IPO9: variants seen among roughly 807,000 people sequenced by gnomAD.
IPO9 encodes the protein importin-9.
Under a neutral mutation model 128.6 loss-of-function variants are expected in IPO9, and 28 were observed. That is an observed-to-expected ratio of 0.22 (90% confidence interval 0.16 to 0.30). The LOEUF is 0.30. IPO9 is among the 10% of genes least tolerant of loss of function. IPO9 has a pLI of 1.00. For synonymous variants in IPO9, 455 were observed against 475.8 expected (o/e 0.96, Z 0.57); for missense variants, 935 against 1,293.9 (o/e 0.72, Z 4.26).
Position 201,854,621 on chromosome 1 carries a change from C to A in IPO9, c.717C>A (p.Pro239=), listed in dbSNP as rs370807386. 1.4e-5 allele frequency: 23 copies of A among 1,613,928 alleles called. No homozygotes were observed. Among genetic ancestry groups the A allele is most frequent in the Non-Finnish European group, 1.9e-5 (23 of 1,180,028 alleles). ...EKGAAKVLIF[P]VVQQFTEAFV... is the part of the protein sequence containing the mutation. Reference sequence around the variant, plus strand: ...GTGCAGCCAAAGTCCTGATCTTTCCCGTGGTACAGCAGTTCACAGAGGCCT... The same window carrying A: ...GTGCAGCCAAAGTCCTGATCTTTCCAGTGGTACAGCAGTTCACAGAGGCCT... The change falls in exon 7 of 24, where the codon CCC becomes CCA. Residue 239 remains proline, a synonymous_variant. Coordinates refer to ENST00000361565, the MANE Select transcript of IPO9 (RefSeq NM_018085.5).
chr1:201,881,119 A>G lies in IPO9; in HGVS notation c.*5065A>G, dbSNP rs1680876488. The G allele has an allele frequency of 6.6e-6, 1 of 152,216 alleles. No individual in the cohort carries two copies. The highest frequency in any genetic ancestry group is 6.6e-5 in the Admixed American group (1 of 15,266). The allele number at this position is 152,216 out of a possible 1,614,324, so 9.4% of individuals were successfully genotyped here. ...TACTGGGTTTAGTTCCCACTGCCCA[A>G]AAAAGGAACTGGCTAATGGTAACCT... On this transcript the variant is annotated 3_prime_UTR_variant, in exon 24 of 24. Coordinates refer to ENST00000361565, the MANE Select transcript of IPO9 (RefSeq NM_018085.5).
At chr1:201,831,035 C>G (rs1167301875) in intron 1 of IPO9, among the ~76,000 whole-genome samples, 1 of 152,096 alleles carries the variant, frequency 6.6e-6, no homozygotes, top group Non-Finnish European at 1.5e-5. Context: ...CTGGGTCTCG[C>G]TCTATCGTGT....
chr1:201,874,851 G>A lies in IPO9; in HGVS notation c.2853G>A (p.Trp951Ter), dbSNP rs1680730793. Reference sequence around the variant, plus strand: ...AAGTAGATGACTCCAATGATATGTGGGAGGACCAGGAGGAGGAAGAGGAGG... The same window carrying A: ...AAGTAGATGACTCCAATGATATGTGAGAGGACCAGGAGGAGGAAGAGGAGG... ...EWSQDDSNDM[W>*]EDQEEEEEEE... Residue 951 changes from tryptophan (W) to a stop codon, truncating the protein, a stop_gained, in exon 22 of 24, where the codon TGG (tryptophan) becomes TGA (stop). Transcript: ENST00000361565. LOFTEE classifies it high-confidence loss of function. 1 of 1,612,826 alleles carries A rather than the reference G, an allele frequency of 6.2e-7. No homozygotes were observed. The highest frequency in any genetic ancestry group is 1.7e-5 in the Admixed American group (1 of 59,996).
intron 4 of IPO9, chr1:201,850,860 A>G (rs1680201452): frequency 6.6e-6 from 1 of 152,178 alleles, no homozygotes; most frequent in African/African-American, 2.4e-5. Flanking sequence ...CTGTAAAGAA[A>G]ATTCAACCTT....
intron 1 of IPO9, among the ~76,000 whole-genome samples, chr1:201,838,416 T>C (rs1338633075): frequency 1.3e-5 from 2 of 152,256 alleles, no homozygotes; most frequent in Non-Finnish European, 2.9e-5. Context: ...ATCTGTGTTT[T>C]AGAATCAGTT....
At position 201,863,480 on chromosome 1, in the gene IPO9, G is replaced by A; in HGVS notation, c.1501G>A (p.Ala501Thr). ...SPFLLGRALW[A>T]ASRFTVAMSP... ...TTTCCTCTTGGGCCGGGCACTTTGGGCTGCCAGTCGGTTCACTGTTGCTAT... is the reference window on the plus strand; with the variant it reads ...TTTCCTCTTGGGCCGGGCACTTTGGACTGCCAGTCGGTTCACTGTTGCTAT... The change falls in exon 14 of 24, where the codon GCT becomes ACT. Residue 501 changes from alanine (A) to threonine (T), a missense_variant. By Grantham distance (58) the Ala-to-Thr change is moderately conservative. Around this residue, in one of 3 missense-constraint regions of IPO9, gnomAD observed 741 missense variants for 1,019.1 expected, o/e 0.73. Coordinates refer to ENST00000361565, the MANE Select transcript of IPO9 (RefSeq NM_018085.5). 1 of 1,589,954 alleles carries A rather than the reference G, an allele frequency of 6.3e-7. No individual in the cohort carries two copies. The highest frequency in any genetic ancestry group is 8.6e-7 in the Non-Finnish European group (1 of 1,160,922).
At chr1:201,868,571 A>C in intron 15 of IPO9, 77 bp from the exon 16 acceptor site, 4 of 1,503,256 alleles carry the variant, frequency 2.7e-6, no homozygotes, top group Non-Finnish European at 3.6e-6. Context: ...GTTAGGGCCA[A>C]ACAACAGGCA....
chr1:201,876,475 T>G lies in IPO9; in HGVS notation c.*421T>G, dbSNP rs1334990045. On this transcript the variant is annotated 3_prime_UTR_variant, in exon 24 of 24. Transcript: ENST00000361565. ...ATCTATGTTCATAGGACTTCTGATG[T>G]GTTCAGATAGGAATCCTCATGAGAG... 1 of 329,508 alleles carries G rather than the reference T, an allele frequency of 3.0e-6. No homozygotes were observed. Among genetic ancestry groups the G allele is most frequent in the Non-Finnish European group, 6.0e-6 (1 of 166,342 alleles). 20.4% of individuals were successfully genotyped at this position (329,508 alleles called of 1,614,324 possible). A position where few individuals can be genotyped will look rare whatever the true frequency, so the allele number is the denominator to read the frequency against.
rs41303251 is a variant in IPO9, at chr1:201,876,305, G to C, written c.*251G>C. Reference sequence around the variant, plus strand: ...CATCTCTAGAACCTTTTTTCTCCCCGACTCTACCCCCACCTCTGTTCCTAG... The same window carrying C: ...CATCTCTAGAACCTTTTTTCTCCCCCACTCTACCCCCACCTCTGTTCCTAG... On this transcript the variant is annotated 3_prime_UTR_variant, in exon 24 of 24. Transcript: ENST00000361565. 2 of 604,068 alleles carry C rather than the reference G, an allele frequency of 3.3e-6. No homozygotes were observed. Among genetic ancestry groups the C allele is most frequent in the African/African-American group, 3.6e-5 (2 of 54,810 alleles). The allele number at this position is 604,068 out of a possible 1,614,324, so 37.4% of individuals were successfully genotyped here.
rs1344142318 is a variant in IPO9, at chr1:201,881,693, G to GA, written c.*5639_*5640insA. ...AAACAGGGAAGTGATCAGGTTTTGT[G>GA]TCTTAGAAAAGTGTTGCAGTGTTGA... On this transcript the variant is annotated 3_prime_UTR_variant, in exon 24 of 24. Transcript: ENST00000361565. 1 of 152,218 alleles carries GA rather than the reference G, an allele frequency of 6.6e-6. No homozygotes were observed. The highest frequency in any genetic ancestry group is 1.5e-5 in the Non-Finnish European group (1 of 68,052). 9.4% of individuals were successfully genotyped at this position (152,218 alleles called of 1,614,324 possible).
At chr1:201,857,559 G>A (rs922865165) in intron 11 of IPO9, among the ~76,000 whole-genome samples, 3 of 152,114 alleles carry the variant, frequency 2.0e-5, no homozygotes, top group Non-Finnish European at 4.4e-5. Context: ...ACTTGGGGAG[G>A]CCGAGGCGGG....
chr1:201,838,405 C>G (rs1452381825), intron 1 of IPO9, among the ~76,000 whole-genome samples: 2 of 152,198 alleles, frequency 1.3e-5, no homozygotes, highest in African/African-American at 4.8e-5. Flanking sequence ...TTATCTGACT[C>G]ATCTGTGTTT....
intron 4 of IPO9, among the ~76,000 whole-genome samples, chr1:201,851,851 G>A (rs1461483878): frequency 6.6e-6 from 1 of 152,106 alleles, no homozygotes; most frequent in Non-Finnish European, 1.5e-5. Context: ...TTTTCTTTCA[G>A]TATTTATATT....
At position 201,870,853 on chromosome 1, in the gene IPO9, A is replaced by C. The variant is rs145126223; in HGVS notation, c.2404A>C (p.Met802Leu). ...KMQQAETLSVMQSLIMVFAHL... is the reference protein window; with the variant it reads ...KMQQAETLSVLQSLIMVFAHL... ...GCAGCAGGCAGAGACGCTCAGTGTC[A>C]TGCAGGTAAGAGAGCAGTGGGGAGT... The change falls in exon 18 of 24, where the codon ATG (methionine) becomes CTG (leucine). Residue 802 changes from methionine (M) to leucine (L), a missense_variant. By Grantham distance (15) the Met-to-Leu change is conservative. This residue lies in a region of IPO9 where 741 missense variants were observed against 1,019.1 expected (regional missense o/e 0.73). Transcript: ENST00000361565. The surrounding 1 kb of genome is among the most constrained non-coding windows in gnomAD (Gnocchi z 4.9). The C allele has an allele frequency of 1.2e-6, 2 of 1,610,300 alleles. No individual in the cohort carries two copies. The highest frequency in any genetic ancestry group is 2.7e-5 in the African/African-American group (2 of 74,860).
rs1437987972 is a variant in IPO9 at position 201,854,689 on chromosome 1, G to A, written c.785G>A (p.Ser262Asn). 1 of 1,614,086 alleles carries A rather than the reference G, an allele frequency of 6.2e-7. No individual in the cohort carries two copies. Among genetic ancestry groups the A allele is most frequent in the East Asian group, 2.2e-5 (1 of 44,890 alleles). ...ATACCAGATGGCCCCACATCTGACA[G>A]TGGGTTTAAGATGGAGGTCCTAAAG... is the stretch of plus-strand genomic sequence containing the variant. ...LQIPDGPTSD[S>N]GFKMEVLKAV... Residue 262 changes from serine (S) to asparagine (N), a missense_variant, in exon 7 of 24, where the codon AGT becomes AAT. Ser to Asn is a conservative substitution (Grantham distance 46). Coordinates refer to ENST00000361565, the MANE Select transcript of IPO9 (RefSeq NM_018085.5).
rs1224197003 is a variant in IPO9 at position 201,829,386 on chromosome 1, G to A, written c.163+14G>A. On this transcript the variant is annotated intron_variant, in intron 1 of 23. Transcript: ENST00000361565. ...AGGTGACGGAGGGTGAGTGAGGCGG[G>A]ACCGTCACGAGGATGGCTCAGCCGC... 6.4e-7 allele frequency: 1 copy of A among 1,551,288 alleles called. No homozygotes were observed. Among genetic ancestry groups the A allele is most frequent in the African/African-American group, 1.4e-5 (1 of 72,516 alleles).
At chr1:201,848,942 T>G (rs978456220) in intron 4 of IPO9, among the ~76,000 whole-genome samples, 4 of 152,224 alleles carry the variant, frequency 2.6e-5, no homozygotes, top group Admixed American at 1.3e-4. Flanking sequence ...GATAGTAGTG[T>G]CTGCATCAAA....
chr1:201,876,489 T>C lies in IPO9; in HGVS notation c.*435T>C, dbSNP rs1680767811. 1 of 301,310 alleles carries C rather than the reference T, an allele frequency of 3.3e-6. No homozygotes were observed. The highest frequency in any genetic ancestry group is 2.2e-5 in the African/African-American group (1 of 46,012). 18.7% of individuals were successfully genotyped at this position (301,310 alleles called of 1,614,324 possible). A position where few individuals can be genotyped will look rare whatever the true frequency, so the allele number is the denominator to read the frequency against. ...GACTTCTGATGTGTTCAGATAGGAATCCTCATGAGAGATCATTATGCTTTG... is the reference window on the plus strand; with the variant it reads ...GACTTCTGATGTGTTCAGATAGGAACCCTCATGAGAGATCATTATGCTTTG... On this transcript the variant is annotated 3_prime_UTR_variant, in exon 24 of 24. Coordinates refer to ENST00000361565, the MANE Select transcript of IPO9 (RefSeq NM_018085.5).
rs144451809 is a variant in IPO9 at position 201,835,695 on chromosome 1, G to A, written c.163+6323G>A. ...AATGTTAGTTTAATCTTAAACAGTC[G>A]TTTCCAAGCAAAGCAAAATAAAGCG... On this transcript the variant is annotated intron_variant, in intron 1 of 23. Coordinates refer to ENST00000361565, the MANE Select transcript of IPO9 (RefSeq NM_018085.5). Among the ~76,000 whole-genome samples the A allele has an allele frequency of 5.1e-4, 77 of 152,284 alleles. No individual in the cohort carries two copies. The East Asian group carries it at 0.012, about 23-fold the overall frequency.
Sources: gnomAD v4.1 joint callset for allele counts (sites outside exome capture counted in the v4.1 genomes callset) on GRCh38, gnomAD v4.1.1 for gene constraint, gnomAD v4.1.1 regional missense constraint, Gnocchi (gnomAD v3.1) non-coding constraint, MANE v1.5 for transcripts, NCBI Gene and HGNC (gene_info 2026-07-23, HGNC 2026-07-21) for gene names.